Variants in THEM4 observed in about 807,000 individuals in gnomAD.
THEM4 encodes thioesterase superfamily member 4, also known as acyl-coenzyme A thioesterase THEM4.
Under a neutral mutation model 25.0 loss-of-function variants are expected in THEM4, and 22 were observed. That is an observed-to-expected ratio of 0.88 (90% CI 0.63 to 1.26). The LOEUF is 1.26. Among genes scored for constraint, THEM4 ranks in the 50% most tolerant of loss-of-function variants. The probability of loss-of-function intolerance (pLI) is 0.00; values close to 1 mark genes in which losing one functional copy is unlikely to be tolerated. For synonymous variants in THEM4, 113 were observed against 105.6 expected (o/e 1.07, Z -0.43); for missense variants, 286 against 300.3 (o/e 0.95, Z 0.35).
chr1:151,873,406 T>C lies in THEM4; in HGVS notation c.*1482A>G, dbSNP rs1653599178. Among the ~76,000 whole-genome samples the C allele has an allele frequency of 6.6e-6, 1 of 152,156 alleles. No homozygotes were observed. The highest frequency in any genetic ancestry group is 1.5e-5 in the Non-Finnish European group (1 of 68,018). ...CCCTGGGCCCAGGGTTCTTTCTTTATACTTTGTCTCTGTGCCTTATTTCTT... is the reference window on the plus strand; with the variant it reads ...CCCTGGGCCCAGGGTTCTTTCTTTACACTTTGTCTCTGTGCCTTATTTCTT... On this transcript the variant is annotated 3_prime_UTR_variant, in exon 6 of 6. Transcript: ENST00000368814.
rs938045113 is a variant in THEM4 at position 151,909,428 on chromosome 1, TGCGGAGGCGCGCGGC to T, written c.16_30del (p.Ala6_Arg10del). The T allele has an allele frequency of 6.8e-7, 1 of 1,471,156 alleles. No individual in the cohort carries two copies. The highest frequency in any genetic ancestry group is 1.5e-5 in the African/African-American group (1 of 67,742). The allele number at this position is 1,471,156 out of a possible 1,614,324, so 91.1% of individuals were successfully genotyped here. ...GGCGGCAGGCACAGAGCCCCCAGCG[TGCGGAGGCGCGCGGC>T]GCAGCTCCTCAGCATGGCTCCGGGC... is the stretch of plus-strand genomic sequence containing the variant. On this transcript the variant is annotated inframe_deletion, in exon 1 of 6. Coordinates refer to ENST00000368814, the MANE Select transcript of THEM4 (RefSeq NM_053055.5).
In THEM4 at chr1:151,874,877, C is replaced by T; in HGVS notation, c.*11G>A. On this transcript the variant is annotated 3_prime_UTR_variant, in exon 6 of 6. Transcript: ENST00000368814. ...AGGGGCGAGAATGAGATGGAGTTCA[C>T]CAGCAGCTCTTTATGTCAGACTTTT... is the stretch of plus-strand genomic sequence containing the variant. The T allele has an allele frequency of 1.2e-6, 2 of 1,613,178 alleles. No homozygotes were observed. The highest frequency in any genetic ancestry group is 3.3e-5 in the Admixed American group (2 of 60,016).
At chr1:151,898,833 A>G (rs6662463) in intron 1 of THEM4, among the ~76,000 whole-genome samples, 1 of 152,182 alleles carries the variant, frequency 6.6e-6, no homozygotes, top group Non-Finnish European at 1.5e-5. Context: ...AGAAGAGAGA[A>G]AACAATCACT....
chr1:151,905,104 GT>G (rs1654428072), intron 1 of THEM4, among the ~76,000 whole-genome samples: 2 of 31,746 alleles, frequency 6.3e-5, no homozygotes. Flanking sequence ...TTGAGCTTTG[GT>G]TACACATTTA....
intron 1 of THEM4, among the ~76,000 whole-genome samples, chr1:151,898,127 C>T (rs1228018177): frequency 6.6e-6 from 1 of 152,034 alleles, no homozygotes; most frequent in Non-Finnish European, 1.5e-5. Flanking sequence ...GGCTTGCAGA[C>T]TTCACAGGTC....
chr1:151,892,795 T>C (rs921247023), intron 2 of THEM4, among the ~76,000 whole-genome samples: 1 of 152,024 alleles, frequency 6.6e-6, no homozygotes, highest in African/African-American at 2.4e-5. Context: ...TTCTGGATGG[T>C]CTCTAAAGCT....
intron 1 of THEM4, among the ~76,000 whole-genome samples, chr1:151,903,675 A>G (rs925250038): frequency 9.9e-5 from 15 of 152,240 alleles, no homozygotes; most frequent in African/African-American, 3.6e-4. Context: ...TGACCAAAAC[A>G]TGTCAACTGA....
rs1428189796 is a variant in THEM4 at position 151,871,338 on chromosome 1, A to AG, written c.*3549_*3550insC. Reference sequence around the variant, plus strand: ...AGACCCTGTCTTGAAAAAAAAAAAAAAAAAAGAAAAAGAAAAAAGAAAGGA... The same window carrying AG: ...AGACCCTGTCTTGAAAAAAAAAAAAAGAAAAAGAAAAAGAAAAAAGAAAGGA... On this transcript the variant is annotated 3_prime_UTR_variant, in exon 6 of 6. Coordinates refer to ENST00000368814, the MANE Select transcript of THEM4 (RefSeq NM_053055.5). Among the ~76,000 whole-genome samples, 58 of 151,972 alleles carry AG rather than the reference A, an allele frequency of 3.8e-4. 1 individual carries two copies. Among genetic ancestry groups the AG allele is most frequent in the African/African-American group, 1.4e-3 (58 of 41,440 alleles).
chr1:151,903,357 CT>C (rs1654393232), intron 1 of THEM4, among the ~76,000 whole-genome samples: 1 of 152,164 alleles, frequency 6.6e-6, no homozygotes, highest in South Asian at 2.1e-4. Context: ...CACAATTTTG[CT>C]TTCTACATTT....
chr1:151,890,385 C>A, intron 2 of THEM4: 1 of 239,242 alleles, frequency 4.2e-6, no homozygotes, highest in South Asian at 4.2e-5. Context: ...AGCCATTGCT[C>A]TCAAGAAATA....
chr1:151,889,193 C>T (rs1463303282), intron 3 of THEM4, 21 bp downstream of exon 3: 1 of 1,609,884 alleles, frequency 6.2e-7, no homozygotes, highest in East Asian at 2.2e-5. Context: ...TAGATCCACA[C>T]TTTCAGGCTA....
rs528207311 is a variant in THEM4, at chr1:151,872,805, G to A, written c.*2083C>T. Among the ~76,000 whole-genome samples, 37 of 152,224 alleles carry A rather than the reference G, an allele frequency of 2.4e-4. No individual in the cohort carries two copies. In the East Asian group the frequency reaches 4.6e-3, roughly 19 times the overall value. ...GGGGCAAAATGCACTGTGGAAAGCC[G>A]CAGGGACCTCTGCCCAAGAAAGCCT... On this transcript the variant is annotated 3_prime_UTR_variant, in exon 6 of 6. Transcript: ENST00000368814.
intron 2 of THEM4, chr1:151,891,224 G>A (rs1654085333): frequency 6.6e-6 from 1 of 152,162 alleles, no homozygotes; most frequent in Non-Finnish European, 1.5e-5. Flanking sequence ...AAAGGCAAGA[G>A]TATTTTAAGA....
At chr1:151,886,622 A>G (rs1406044624) in intron 4 of THEM4, among the ~76,000 whole-genome samples, 1 of 152,214 alleles carries the variant, frequency 6.6e-6, no homozygotes, top group Non-Finnish European at 1.5e-5. Flanking sequence ...CCATCTGTAA[A>G]TATGTCAACT....
chr1:151,882,148 C>A (rs754963467), intron 4 of THEM4, among the ~76,000 whole-genome samples: 2 of 151,940 alleles, frequency 1.3e-5, no homozygotes, highest in African/African-American at 2.4e-5. Flanking sequence ...GAGGCCGAGG[C>A]GGATGGATCA....
chr1:151,900,787 C>T (rs554306902), intron 1 of THEM4, among the ~76,000 whole-genome samples: 284 of 152,320 alleles, frequency 1.9e-3, no homozygotes, highest in Non-Finnish European at 2.6e-3. Flanking sequence ...CCAAATCTGG[C>T]CATAAACTGG....
At chr1:151,886,363 C>G (rs928330892) in intron 4 of THEM4, among the ~76,000 whole-genome samples, 5 of 152,136 alleles carry the variant, frequency 3.3e-5, no homozygotes, top group African/African-American at 1.2e-4. Flanking sequence ...GACACAAACA[C>G]TTTTTGAGAT....
intron 4 of THEM4, 124 bp from the exon 5 acceptor site, chr1:151,877,249 G>T: frequency 2.0e-6 from 2 of 980,278 alleles, no homozygotes; most frequent in Non-Finnish European, 2.9e-6. Flanking sequence ...AGCACTGACT[G>T]CCTTAGACAA....
chr1:151,898,963 A>G (rs1294198714), intron 1 of THEM4, among the ~76,000 whole-genome samples: 2 of 152,246 alleles, frequency 1.3e-5, no homozygotes, highest in East Asian at 3.9e-4. Context: ...CTTCCCTTTG[A>G]CAGAGTCTAC....
Sources: allele counts gnomAD v4.1 joint callset (sites outside exome capture counted in the v4.1 genomes callset), GRCh38; gene constraint gnomAD v4.1.1; transcripts MANE v1.5; gene names NCBI Gene and HGNC (gene_info 2026-07-23, HGNC 2026-07-21).